Variants in JAZF1 observed in about 807,000 individuals in gnomAD.
The protein encoded by JAZF1 is JAZF zinc finger 1, also known as juxtaposed with another zinc finger protein 1.
JAZF1 carries 8 observed loss-of-function variants against 26.4 expected under a neutral mutation model. The observed-to-expected ratio is 0.30, with a 90% CI of 0.18 to 0.55. JAZF1 has a LOEUF of 0.55. JAZF1 is among the 20% of genes least tolerant of loss of function. JAZF1 has a pLI of 0.94. For missense variants in JAZF1, 199 were observed against 322.0 expected, an observed-to-expected ratio of 0.62 and a Z score of 2.92; for synonymous variants, 126 against 122.3, an observed-to-expected ratio of 1.03 and a Z score of -0.20.
intron 1 of JAZF1, among the ~76,000 whole-genome samples, chr7:28,052,594 A>G (rs1303022778): frequency 6.6e-6 from 1 of 152,220 alleles, no homozygotes; most frequent in East Asian, 1.9e-4. Flanking sequence ...TCAACAAATT[A>G]AAACAAAGAA....
chr7:27,974,439 A>G (rs1785433058), intron 2 of JAZF1, among the ~76,000 whole-genome samples: 1 of 152,200 alleles, frequency 6.6e-6, no homozygotes, highest in East Asian at 1.9e-4. Context: ...GGGGATGGGG[A>G]CTTCCTTAAG....
chr7:27,847,150 T>A (rs1349802599), intron 3 of JAZF1, among the ~76,000 whole-genome samples: 1 of 137,312 alleles, frequency 7.3e-6, no homozygotes. Context: ...TGGCTTTTTT[T>A]CTTTTTTTTT....
At chr7:28,059,013 A>G (rs1783759097) in intron 1 of JAZF1, among the ~76,000 whole-genome samples, 1 of 152,184 alleles carries the variant, frequency 6.6e-6, no homozygotes, top group African/African-American at 2.4e-5. Flanking sequence ...CATGATAACA[A>G]GACTGTTTTA....
chr7:28,132,796 A>C (rs189490201), intron 1 of JAZF1, among the ~76,000 whole-genome samples: 3 of 152,324 alleles, frequency 2.0e-5, no homozygotes, highest in African/African-American at 4.8e-5. Flanking sequence ...TCAATGTATA[A>C]ATATTCAATT....
intron 1 of JAZF1, among the ~76,000 whole-genome samples, chr7:28,051,998 A>T (rs965484654): frequency 6.6e-6 from 1 of 152,132 alleles, no homozygotes; most frequent in Non-Finnish European, 1.5e-5. Context: ...CTGCAGGTTC[A>T]CTCTGAGGGC....
chr7:28,030,661 A>C lies in JAZF1; in HGVS notation c.116-38680T>G, dbSNP rs182288048. ...AAAAAGTACATGAGTTACTATGAAC[A>C]ATTATACTATTTATAATGTGAAGTA... On this transcript the variant is annotated intron_variant, in intron 1 of 4. Coordinates refer to ENST00000283928, the MANE Select transcript of JAZF1 (RefSeq NM_175061.4). Among the ~76,000 whole-genome samples, 790 of 152,348 alleles carry C rather than the reference A, an allele frequency of 5.2e-3. 4 individuals are homozygous for C. Among genetic ancestry groups the C allele is most frequent in the Middle Eastern group, 0.014 (4 of 294 alleles).
chr7:27,924,740 A>G (rs1784583969), intron 2 of JAZF1, among the ~76,000 whole-genome samples: 1 of 152,240 alleles, frequency 6.6e-6, no homozygotes, highest in Admixed American at 6.5e-5. Flanking sequence ...AATGAATGCC[A>G]TTAAAACTTT....
At chr7:27,981,133 T>C (rs1295717506) in intron 2 of JAZF1, among the ~76,000 whole-genome samples, 1 of 152,250 alleles carries the variant, frequency 6.6e-6, no homozygotes, top group Non-Finnish European at 1.5e-5. Context: ...TGATCCACTA[T>C]ACATGTCTAC....
chr7:28,159,095 G>A (rs1301346043), intron 1 of JAZF1, among the ~76,000 whole-genome samples: 2 of 152,014 alleles, frequency 1.3e-5, no homozygotes, highest in African/African-American at 4.8e-5. Context: ...TTCGATAGAG[G>A]AAAGTTTTAT....
chr7:27,984,152 T>A (rs1453041419), intron 2 of JAZF1, among the ~76,000 whole-genome samples: 2 of 152,146 alleles, frequency 1.3e-5, no homozygotes, highest in East Asian at 3.8e-4. Flanking sequence ...AGACACAGAC[T>A]GGTAAATTGG....
chr7:27,962,920 T>C (rs1174791888), intron 2 of JAZF1, among the ~76,000 whole-genome samples: 2 of 152,220 alleles, frequency 1.3e-5, no homozygotes, highest in Non-Finnish European at 2.9e-5. Flanking sequence ...CCTTGTTAAA[T>C]GAATAGACTG....
At chr7:28,076,826 T>C (rs929687920) in intron 1 of JAZF1, among the ~76,000 whole-genome samples, 4 of 151,824 alleles carry the variant, frequency 2.6e-5, no homozygotes, top group African/African-American at 9.7e-5. Flanking sequence ...AATAAATGTA[T>C]AATAGGGAAA....
At chr7:28,099,507 G>A (rs1253298895) in intron 1 of JAZF1, among the ~76,000 whole-genome samples, 4 of 151,936 alleles carry the variant, frequency 2.6e-5, no homozygotes, top group African/African-American at 7.2e-5. Flanking sequence ...ACAGAGTTTC[G>A]CTCTTGTTGC....
At chr7:27,901,491 C>A (rs1246941728) in intron 2 of JAZF1, among the ~76,000 whole-genome samples, 2 of 152,190 alleles carry the variant, frequency 1.3e-5, no homozygotes, top group East Asian at 3.9e-4. Context: ...GCAGAGACTC[C>A]ATTGCCACCT....
chr7:27,978,264 T>TAAAC lies in JAZF1; in HGVS notation c.188+13641_188+13644dup, dbSNP rs1461498345. 3.3e-5 allele frequency among the ~76,000 whole-genome samples: 5 copies of TAAAC among 152,324 alleles called. No individual in the cohort carries two copies. In the East Asian group the frequency reaches 9.6e-4, roughly 29 times the overall value. Reference sequence around the variant, plus strand: ...TGGGGGCAGAGACAGGATTCGAACCTAAACAGTCTGACTCCTGCTCCTATA... The same window carrying TAAAC: ...TGGGGGCAGAGACAGGATTCGAACCTAAACAAACAGTCTGACTCCTGCTCCTATA... On this transcript the variant is annotated intron_variant, in intron 2 of 4. Transcript: ENST00000283928.
intron 1 of JAZF1, among the ~76,000 whole-genome samples, chr7:28,114,596 GTT>G (rs11287110): frequency 5.3e-4 from 76 of 143,908 alleles, no homozygotes; most frequent in African/African-American, 1.8e-3. Flanking sequence ...TTCTTTTTAG[GTT>G]TTTTTTTTTT....
chr7:27,892,501 TCA>T (rs1040843504), intron 3 of JAZF1, among the ~76,000 whole-genome samples: 26 of 152,348 alleles, frequency 1.7e-4, no homozygotes, highest in African/African-American at 6.3e-4. Flanking sequence ...ATTGGGGCAG[TCA>T]CAGTTATCTG....
intron 2 of JAZF1, among the ~76,000 whole-genome samples, chr7:27,961,338 G>A (rs959150130): frequency 2.6e-5 from 4 of 152,096 alleles, no homozygotes; most frequent in African/African-American, 7.2e-5. Flanking sequence ...TCTCTCCCAC[G>A]GACCCACGAC....
chr7:27,909,541 C>T (rs980328411), intron 2 of JAZF1, among the ~76,000 whole-genome samples: 2 of 151,932 alleles, frequency 1.3e-5, no homozygotes, highest in African/African-American at 4.8e-5. Context: ...ACCCCCATCT[C>T]TACTAAAAAT....
Sources: gnomAD v4.1 joint callset for allele counts (sites outside exome capture counted in the v4.1 genomes callset) on GRCh38, gnomAD v4.1.1 for gene constraint, MANE v1.5 for transcripts, NCBI Gene and HGNC (gene_info 2026-07-23, HGNC 2026-07-21) for gene names.